The following PJA2 variants were observed in gnomAD, a reference collection of about 807,000 sequenced individuals.
PJA2 encodes the protein praja ring finger ubiquitin ligase 2.
PJA2 carries 25 observed loss-of-function variants against 69.3 expected under a neutral mutation model. That is an observed-to-expected ratio of 0.36 (90% CI 0.26 to 0.50). The LOEUF (loss-of-function observed/expected upper bound fraction) is 0.50. Ranked by LOEUF, PJA2 falls within the 20% of genes least tolerant of loss-of-function variation. PJA2 has a pLI of 0.96. For synonymous variants in PJA2, 308 were observed against 277.8 expected (o/e 1.11, Z -1.08); for missense variants, 809 against 830.2 (o/e 0.97, Z 0.31).
intron 4 of PJA2, 90 bp downstream of exon 4, chr5:109,378,114 A>G (rs1447715860): frequency 2.2e-6 from 2 of 900,372 alleles, no homozygotes; most frequent in Non-Finnish European, 3.4e-6. Flanking sequence ...TTCCCTGATC[A>G]TATCAAATAG....
chr5:109,343,338 G>A (rs1582582357), intron 9 of PJA2, among the ~76,000 whole-genome samples: 4 of 48,186 alleles, frequency 8.3e-5, no homozygotes, highest in Admixed American at 5.9e-4. Flanking sequence ...AATAAAGAGA[G>A]ATAATGTACC....
intron 5 of PJA2, among the ~76,000 whole-genome samples, chr5:109,363,426 G>A (rs1049535433): frequency 6.6e-6 from 1 of 152,090 alleles, no homozygotes; most frequent in East Asian, 1.9e-4. Flanking sequence ...CATGCTTTCT[G>A]CTCAGCCCAC....
intron 9 of PJA2, among the ~76,000 whole-genome samples, chr5:109,342,802 G>T (rs1195714275): frequency 9.0e-6 from 1 of 111,480 alleles, no homozygotes; most frequent in East Asian, 2.7e-4. Context: ...CCCTCTGCCC[G>T]GCCAGCCGCC....
In PJA2 at chr5:109,368,702, C is replaced by T. The variant is rs900866049; in HGVS notation, c.1328G>A (p.Arg443Gln). ...TTGATCTTTTTCTGTACCAGAAAAT[C>T]GATGAGGCAAAGAAGCAGACCATTC... ...DGEWSASLPH[R>Q]FSGTEKDQSS... The change falls in exon 5 of 10, where the codon CGA (arginine) becomes CAA (glutamine). Residue 443 changes from arginine to glutamine, a missense_variant. By Grantham distance (43) the Arg-to-Gln change is conservative (BLOSUM62 1). Transcript: ENST00000361189. 11 of 1,613,774 alleles carry T rather than the reference C, an allele frequency of 6.8e-6. No individual in the cohort carries two copies. Among genetic ancestry groups the T allele is most frequent in the East Asian group, 2.2e-5 (1 of 44,880 alleles).
At chr5:109,408,521 A>C (rs1259165208) in intron 1 of PJA2, among the ~76,000 whole-genome samples, 1 of 152,090 alleles carries the variant, frequency 6.6e-6, no homozygotes, top group African/African-American at 2.4e-5. Flanking sequence ...TGTTTGGTAT[A>C]TGGTATAGCC....
At chr5:109,379,830 A>G (rs1408970054) in intron 3 of PJA2, among the ~76,000 whole-genome samples, 3 of 152,224 alleles carry the variant, frequency 2.0e-5, no homozygotes, top group Non-Finnish European at 4.4e-5. Context: ...AGTTTACTTT[A>G]GATGTGTTAT....
chr5:109,348,519 C>T (rs916055634), intron 7 of PJA2, among the ~76,000 whole-genome samples: 5 of 152,152 alleles, frequency 3.3e-5, no homozygotes, highest in Non-Finnish European at 5.9e-5. Flanking sequence ...TTTGAATCCC[C>T]AAGTCACTCT....
In PJA2 at chr5:109,378,396, C is replaced by T; in HGVS notation, c.1091G>A (p.Cys364Tyr). 6.2e-7 allele frequency: 1 copy of T among 1,614,170 alleles called. No homozygotes were observed. Among genetic ancestry groups the T allele is most frequent in the South Asian group, 1.1e-5 (1 of 91,080 alleles). Residue 364 changes from cysteine (C) to tyrosine (Y), a missense_variant, in exon 4 of 10, where the codon TGT becomes TAT. Around this residue, in one of 4 missense-constraint regions of PJA2, gnomAD observed 700 missense variants for 639.5 expected, o/e 1.09. Transcript: ENST00000361189. ...GTCATGCTCTCCATCATATTCTTCA[C>T]ATTTTATTAAGAGGTCATCTGAGCC... ...ESGSDDLLIK[C>Y]EEYDGEHDCM... is the part of the protein sequence containing the mutation.
chr5:109,393,612 C>T (rs981159871), intron 1 of PJA2, among the ~76,000 whole-genome samples: 4 of 151,924 alleles, frequency 2.6e-5, no homozygotes, highest in Admixed American at 2.0e-4. Flanking sequence ...CTGGCCTGGG[C>T]AACAAAGCCA....
intron 1 of PJA2, among the ~76,000 whole-genome samples, chr5:109,392,840 A>G (rs1222074778): frequency 6.6e-6 from 1 of 152,200 alleles, no homozygotes; most frequent in Non-Finnish European, 1.5e-5. Flanking sequence ...TGTTTCCCAC[A>G]AAATGCAAAA....
chr5:109,399,094 C>T (rs1747483657), intron 1 of PJA2, among the ~76,000 whole-genome samples: 2 of 151,868 alleles, frequency 1.3e-5, no homozygotes, highest in Admixed American at 1.3e-4. Context: ...GGCTGTAATC[C>T]CAGCTGCTTG....
At chr5:109,386,927 C>G (rs1582620645) in intron 1 of PJA2, among the ~76,000 whole-genome samples, 2 of 152,238 alleles carry the variant, frequency 1.3e-5, no homozygotes, top group East Asian at 3.9e-4. Flanking sequence ...TTGTTTGGGG[C>G]AGGCCATGTT....
At chr5:109,347,527 C>A (rs375897480) in intron 7 of PJA2, among the ~76,000 whole-genome samples, 16 of 152,322 alleles carry the variant, frequency 1.1e-4, no homozygotes, top group Admixed American at 5.2e-4. Flanking sequence ...AGCAGCTTCT[C>A]CTTGTACTCA....
rs543820885 is a variant in PJA2 at position 109,344,125 on chromosome 5, C to T, written c.2001+65G>A. ...CAAAAAAAAAAAAAAAAAAAAGATA[C>T]TATTATTCACTTGCAGAAGACACTA... On this transcript the variant is annotated intron_variant, in intron 9 of 9. Coordinates refer to ENST00000361189, the MANE Select transcript of PJA2 (RefSeq NM_014819.5). 70 of 618,382 alleles carry T rather than the reference C, an allele frequency of 1.1e-4. No homozygotes were observed. In the African/African-American group the frequency reaches 1.3e-3, roughly 11 times the overall value. 38.3% of individuals were successfully genotyped at this position (618,382 alleles called of 1,614,324 possible).
intron 7 of PJA2, among the ~76,000 whole-genome samples, chr5:109,346,696 T>TA (rs1354432451): frequency 6.6e-6 from 1 of 152,220 alleles, no homozygotes; most frequent in Admixed American, 6.5e-5. Flanking sequence ...ATGAGATACC[T>TA]AAAGTAGTCA....
chr5:109,356,995 A>G (rs1480699593), intron 6 of PJA2, among the ~76,000 whole-genome samples: 3 of 152,126 alleles, frequency 2.0e-5, no homozygotes, highest in Non-Finnish European at 4.4e-5. Flanking sequence ...AAAACCGTTA[A>G]GTATGTCCTT....
chr5:109,384,126 G>C (rs2127009283), intron 1 of PJA2, among the ~76,000 whole-genome samples: 1 of 152,200 alleles, frequency 6.6e-6, no homozygotes, highest in South Asian at 2.1e-4. Flanking sequence ...AATATCAGAA[G>C]TACTGACTCA....
chr5:109,368,543 T>C lies in PJA2; in HGVS notation c.1469+18A>G. 3 of 1,593,284 alleles carry C rather than the reference T, an allele frequency of 1.9e-6. No individual in the cohort carries two copies. The South Asian group carries it at 3.4e-5, about 18-fold the overall frequency. Reference sequence around the variant, plus strand: ...CTTGTACAATATACAGAAAAATAAATCTCACTGTTGAACATACCCTTCCTG... The same window carrying C: ...CTTGTACAATATACAGAAAAATAAACCTCACTGTTGAACATACCCTTCCTG... On this transcript the variant is annotated intron_variant, in intron 5 of 9. Transcript: ENST00000361189.
chr5:109,341,408 C>T (rs1239970277), intron 9 of PJA2, among the ~76,000 whole-genome samples: 5 of 145,102 alleles, frequency 3.4e-5, no homozygotes, highest in Non-Finnish European at 7.6e-5. Flanking sequence ...GCCGGGCAAC[C>T]ACCCCGTCTG....
Sources: gnomAD v4.1 joint callset for allele counts (sites outside exome capture counted in the v4.1 genomes callset) on GRCh38, gnomAD v4.1.1 for gene constraint, gnomAD v4.1.1 regional missense constraint, MANE v1.5 for transcripts, NCBI Gene and HGNC (gene_info 2026-07-23, HGNC 2026-07-21) for gene names.